ENTREP2: variants seen among roughly 807,000 people sequenced by gnomAD.
The protein encoded by ENTREP2 is endosomal transmembrane epsin interactor 2.
the ENTREP2 span, among the ~76,000 whole-genome samples, chr15:29,661,833 G>A: frequency 2.6e-5 from 4 of 152,036 alleles, no homozygotes; most frequent in South Asian, 2.1e-4. Context: ...CAATACAAAC[G>A]TAGTCAGTGA....
At chr15:29,360,887 G>A in the ENTREP2 span, among the ~76,000 whole-genome samples, 4 of 152,228 alleles carry the variant, frequency 2.6e-5, no homozygotes, top group African/African-American at 9.6e-5. Context: ...CCTTGGGGCA[G>A]TCACCCATCT....
the ENTREP2 span, chr15:29,269,390 T>A: frequency 6.2e-7 from 1 of 1,614,106 alleles, no homozygotes; most frequent in Non-Finnish European, 8.5e-7. Flanking sequence ...GCCCGCTTGA[T>A]CGGAATCTTC....
At chr15:29,413,612 AG>A in the ENTREP2 span, among the ~76,000 whole-genome samples, 1 of 152,190 alleles carries the variant, frequency 6.6e-6, no homozygotes, top group Non-Finnish European at 1.5e-5. Context: ...CATTGTGACC[AG>A]GGTTCATTCA....
At chr15:29,478,013 ATATATATTTTT>A in the ENTREP2 span, among the ~76,000 whole-genome samples, 2 of 65,632 alleles carry the variant, frequency 3.0e-5, no homozygotes, top group African/African-American at 1.6e-4. Context: ...ATATATATAT[ATATATATTTTT>A]TTTTTTTTTT....
chr15:29,366,311 G>A, the ENTREP2 span, among the ~76,000 whole-genome samples: 1 of 152,174 alleles, frequency 6.6e-6, no homozygotes, highest in Non-Finnish European at 1.5e-5. Flanking sequence ...CTGGTCTCAG[G>A]TGATCCACCC....
chr15:29,602,000 T>C, the ENTREP2 span, among the ~76,000 whole-genome samples: 2 of 152,250 alleles, frequency 1.3e-5, no homozygotes, highest in African/African-American at 2.4e-5. Context: ...TTGTGCTCCA[T>C]GCAATGACTC....
At chr15:29,146,916 C>G in the ENTREP2 span, among the ~76,000 whole-genome samples, 24 of 151,546 alleles carry the variant, frequency 1.6e-4, no homozygotes, top group Non-Finnish European at 2.6e-4. Context: ...GCCTGGGTGA[C>G]AGAGCAAGAC....
chr15:29,179,203 A>T, the ENTREP2 span, among the ~76,000 whole-genome samples: 1 of 152,268 alleles, frequency 6.6e-6, no homozygotes, highest in Non-Finnish European at 1.5e-5. Flanking sequence ...GTCTCTAAGT[A>T]AATAGTATGA....
the ENTREP2 span, among the ~76,000 whole-genome samples, chr15:29,597,537 T>C: frequency 8.6e-3 from 1,287 of 149,280 alleles, 14 homozygotes; most frequent in African/African-American, 0.03. Context: ...CATTGCACTC[T>C]AGCCTGGGCA....
At chr15:29,657,081 G>T in the ENTREP2 span, among the ~76,000 whole-genome samples, 1 of 152,016 alleles carries the variant, frequency 6.6e-6, no homozygotes, top group African/African-American at 2.4e-5. Context: ...CGAGTCTCCC[G>T]CTGTTCCTCA....
the ENTREP2 span, among the ~76,000 whole-genome samples, chr15:29,403,518 T>C: frequency 6.6e-6 from 1 of 152,206 alleles, no homozygotes; most frequent in East Asian, 1.9e-4. Flanking sequence ...AGAGTATAAT[T>C]ATGCAAGCAA....
the ENTREP2 span, among the ~76,000 whole-genome samples, chr15:29,506,275 C>T: frequency 2.0e-5 from 3 of 152,104 alleles, no homozygotes; most frequent in African/African-American, 4.8e-5. Context: ...ACCAAACCTA[C>T]GATTGATTGG....
chr15:29,511,136 C>A, the ENTREP2 span, among the ~76,000 whole-genome samples: 1 of 152,126 alleles, frequency 6.6e-6, no homozygotes, highest in East Asian at 1.9e-4. Context: ...CACATATATA[C>A]CTATGTAACA....
At chr15:29,444,106 AAGAAAGAAAGACAGAC>A in the ENTREP2 span, among the ~76,000 whole-genome samples, 47 of 150,980 alleles carry the variant, frequency 3.1e-4, 1 homozygote, top group African/African-American at 9.5e-4. Flanking sequence ...CCGTCTCAAA[AAGAAAGAAAGACAGAC>A]AGAAAGAAAG....
At chr15:29,486,094 G>T in the ENTREP2 span, among the ~76,000 whole-genome samples, 4 of 152,144 alleles carry the variant, frequency 2.6e-5, no homozygotes, top group Non-Finnish European at 5.9e-5. Context: ...CAATATCTAA[G>T]ATAGGAAATC....
chr15:29,201,765 T>G, the ENTREP2 span, among the ~76,000 whole-genome samples: 2 of 152,196 alleles, frequency 1.3e-5, no homozygotes, highest in African/African-American at 2.4e-5. Context: ...TTTGTCTGGA[T>G]TTTGGTAGCA....
the ENTREP2 span, among the ~76,000 whole-genome samples, chr15:29,208,026 CT>C: frequency 7.9e-5 from 12 of 152,296 alleles, no homozygotes; most frequent in South Asian, 6.2e-4. Flanking sequence ...TGTAGCCCCC[CT>C]GTCCCCTGGG....
the ENTREP2 span, among the ~76,000 whole-genome samples, chr15:29,317,561 C>T: frequency 1.3e-4 from 20 of 152,252 alleles, no homozygotes; most frequent in South Asian, 6.2e-4. Flanking sequence ...AAACGGAACA[C>T]GAATCTCCCA....
chr15:29,219,663 A>G, the ENTREP2 span, among the ~76,000 whole-genome samples: 23 of 121,306 alleles, frequency 1.9e-4, no homozygotes, highest in African/African-American at 3.0e-4. Flanking sequence ...ATATATATAT[A>G]TGATGGAATA....
Sources: gnomAD v4.1 joint callset for allele counts (sites outside exome capture counted in the v4.1 genomes callset) on GRCh38, gnomAD v4.1.1 for gene constraint, MANE v1.5 for transcripts, NCBI Gene and HGNC (gene_info 2026-07-23, HGNC 2026-07-21) for gene names.